The following OTUD7A variants were observed in gnomAD, a reference collection of about 807,000 sequenced individuals.
OTUD7A encodes OTU deubiquitinase 7A.
Under a neutral mutation model 65.7 loss-of-function variants are expected in OTUD7A, and 12 were observed. The observed-to-expected ratio is 0.18, with a 90% CI of 0.12 to 0.30. The LOEUF (loss-of-function observed/expected upper bound fraction) is 0.30, where lower values mean the gene tolerates loss of function less well. Among genes scored for constraint, OTUD7A ranks in the 10% least tolerant of loss-of-function variants. The probability of loss-of-function intolerance (pLI) is 1.00; values close to 1 mark genes in which losing one functional copy is unlikely to be tolerated. For synonymous variants in OTUD7A, 641 were observed against 586.3 expected (o/e 1.09, Z -1.35); for missense variants, 1,148 against 1,304.8 (o/e 0.88, Z 1.85).
intron 1 of OTUD7A, among the ~76,000 whole-genome samples, chr15:31,756,674 A>G (rs1178736935): frequency 1.0e-5 from 1 of 95,660 alleles, no homozygotes; most frequent in African/African-American, 3.4e-5. Context: ...ACACACACAC[A>G]CACACACACA....
intron 5 of OTUD7A, among the ~76,000 whole-genome samples, chr15:31,554,497 GAAGCCC>G (rs1372019993): frequency 1.3e-5 from 2 of 152,224 alleles, no homozygotes; most frequent in Non-Finnish European, 2.9e-5. Flanking sequence ...GGCTGACTCA[GAAGCCC>G]ACAAGCCTCC....
Position 31,503,674 on chromosome 15 carries a change from C to T in OTUD7A, c.1021+17G>A. 6.2e-7 allele frequency: 1 copy of T among 1,614,152 alleles called. No homozygotes were observed. The highest frequency in any genetic ancestry group is 8.5e-7 in the Non-Finnish European group (1 of 1,180,020). ...TTTCTGTGTCATGAATACAACACAT[C>T]TCTTTGAGGAACTTACCTTCTCCAC... is the stretch of plus-strand genomic sequence containing the variant. On this transcript the variant is annotated intron_variant, in intron 9 of 12. Coordinates refer to ENST00000307050, the MANE Select transcript of OTUD7A (RefSeq NM_001382637.1).
chr15:31,753,737 A>ATAT (rs1894729810), intron 1 of OTUD7A, among the ~76,000 whole-genome samples: 1 of 129,240 alleles, frequency 7.7e-6, no homozygotes, highest in East Asian at 2.4e-4. Flanking sequence ...ATATATATAT[A>ATAT]TATCTCACAG....
At chr15:31,496,956 A>G (rs1377543028) in intron 10 of OTUD7A, among the ~76,000 whole-genome samples, 3 of 152,008 alleles carry the variant, frequency 2.0e-5, no homozygotes, top group Non-Finnish European at 4.4e-5. Context: ...CTCTGTTCCC[A>G]ATAAAGGGAT....
chr15:31,559,945 C>T lies in OTUD7A; in HGVS notation c.332-758G>A, dbSNP rs374833587. On this transcript the variant is annotated intron_variant, in intron 4 of 12. Transcript: ENST00000307050. ...CTGCTGCTGGATTAATCACCACCAC[C>T]TGGTATGTGGCACTTATTCACAAGA... 2.5e-4 allele frequency among the ~76,000 whole-genome samples: 38 copies of T among 152,344 alleles called. No homozygotes were observed. In the South Asian group the frequency reaches 7.3e-3, roughly 29 times the overall value.
intron 1 of OTUD7A, among the ~76,000 whole-genome samples, chr15:31,859,638 C>A (rs1170256424): frequency 2.0e-5 from 3 of 152,164 alleles, no homozygotes; most frequent in Non-Finnish European, 4.4e-5. Context: ...TGTCTCCCTG[C>A]ATTTATAAAG....
chr15:31,792,243 T>C (rs1895837153), intron 1 of OTUD7A, among the ~76,000 whole-genome samples: 1 of 152,124 alleles, frequency 6.6e-6, no homozygotes, highest in Non-Finnish European at 1.5e-5. Flanking sequence ...CCTGAATGTG[T>C]CTCCTGACTG....
chr15:31,554,223 A>T (rs919011515), intron 5 of OTUD7A, among the ~76,000 whole-genome samples: 1 of 151,596 alleles, frequency 6.6e-6, no homozygotes. Context: ...CTTCATTTTC[A>T]TGCTCCCCTT....
At chr15:31,669,779 A>G (rs1179897426) in intron 1 of OTUD7A, among the ~76,000 whole-genome samples, 1 of 151,980 alleles carries the variant, frequency 6.6e-6, no homozygotes, top group East Asian at 1.9e-4. Context: ...GGTGCCAGGC[A>G]GGAATGGCCT....
At chr15:31,789,848 C>T (rs540958263) in intron 1 of OTUD7A, among the ~76,000 whole-genome samples, 1 of 152,102 alleles carries the variant, frequency 6.6e-6, no homozygotes, top group East Asian at 1.9e-4. Flanking sequence ...ACCAGCCTGA[C>T]CAACATGGAG....
At position 31,744,919 on chromosome 15, in the gene OTUD7A, T is replaced by C. The variant is rs150289820; in HGVS notation, c.-99-87842A>G. On this transcript the variant is annotated intron_variant, in intron 1 of 12. Transcript: ENST00000307050. ...ATGATTATATACTAGTAGCAAAAAG[T>C]TGGAAAATGAAATTAAAAGAAATCA... Among the ~76,000 whole-genome samples the C allele has an allele frequency of 3.9e-3, 588 of 152,120 alleles. 2 individuals are homozygous for C. Among genetic ancestry groups the C allele is most frequent in the Admixed American group, 0.013 (201 of 15,274 alleles).
intron 5 of OTUD7A, among the ~76,000 whole-genome samples, chr15:31,544,465 G>T (rs1164835137): frequency 6.6e-6 from 1 of 151,650 alleles, no homozygotes; most frequent in Non-Finnish European, 1.5e-5. Flanking sequence ...GAACTTACAT[G>T]GTCTGTAAAG....
At chr15:31,655,747 C>T (rs1201015546) in intron 2 of OTUD7A, among the ~76,000 whole-genome samples, 5 of 152,212 alleles carry the variant, frequency 3.3e-5, no homozygotes, top group African/African-American at 1.2e-4. Context: ...CTATCTCCAG[C>T]ACTCCTGAAC....
At chr15:31,672,061 A>G (rs1201456900) in intron 1 of OTUD7A, among the ~76,000 whole-genome samples, 1 of 152,238 alleles carries the variant, frequency 6.6e-6, no homozygotes, top group Non-Finnish European at 1.5e-5. Flanking sequence ...TTAATAAACT[A>G]GATTGAGCTA....
chr15:31,568,559 T>C (rs1168829886), intron 4 of OTUD7A, among the ~76,000 whole-genome samples: 1 of 152,202 alleles, frequency 6.6e-6, no homozygotes. Flanking sequence ...GAAGGCATGA[T>C]TGTATTTTGC....
chr15:31,715,062 G>C (rs1893548111), intron 1 of OTUD7A, among the ~76,000 whole-genome samples: 1 of 151,874 alleles, frequency 6.6e-6, no homozygotes, highest in South Asian at 2.1e-4. Flanking sequence ...CTTGAACCTG[G>C]GAGGCTGAGG....
At position 31,854,029 on chromosome 15, in the gene OTUD7A, T is replaced by C. The variant is rs1897498130; in HGVS notation, c.-100+16478A>G. Among the ~76,000 whole-genome samples, 3 of 152,226 alleles carry C rather than the reference T, an allele frequency of 2.0e-5. No individual in the cohort carries two copies. The South Asian group carries it at 6.2e-4, about 32-fold the overall frequency. ...AGTTTTTTATTACTACTGTAACAAA[T>C]TACCACAAACTGAGTGGTTTCAAGC... On this transcript the variant is annotated intron_variant, in intron 1 of 12. Transcript: ENST00000307050.
At chr15:31,860,699 A>ATG (rs1897715065) in intron 1 of OTUD7A, among the ~76,000 whole-genome samples, 4 of 128,864 alleles carry the variant, frequency 3.1e-5, no homozygotes, top group African/African-American at 5.7e-5. Context: ...ATATATATAT[A>ATG]TGTATGTATA....
At chr15:31,608,146 C>T (rs916169906) in intron 3 of OTUD7A, among the ~76,000 whole-genome samples, 8 of 152,092 alleles carry the variant, frequency 5.3e-5, no homozygotes, top group African/African-American at 1.9e-4. Flanking sequence ...ACTTGGGAGG[C>T]TGAGGCAGGA....
Sources: gnomAD v4.1 joint callset for allele counts (sites outside exome capture counted in the v4.1 genomes callset) on GRCh38, gnomAD v4.1.1 for gene constraint, MANE v1.5 for transcripts, NCBI Gene and HGNC (gene_info 2026-07-23, HGNC 2026-07-21) for gene names.